The following RIF1 variants were observed in gnomAD, a reference collection of about 807,000 sequenced individuals.
RIF1 encodes replication timing regulatory factor 1, also known as telomere-associated protein RIF1.
A neutral mutation model predicts 247.1 loss-of-function variants in RIF1; 45 were observed. The observed-to-expected ratio is 0.18, with a 90% CI of 0.14 to 0.23. RIF1 has a LOEUF of 0.23. Among genes scored for constraint, RIF1 ranks in the 10% least tolerant of loss-of-function variants. The pLI, the probability that RIF1 is intolerant of heterozygous loss-of-function variation, is 1.00. For synonymous variants in RIF1, 1,087 were observed against 978.8 expected (o/e 1.11, Z -2.06); for missense variants, 2,967 against 2,862.5 (o/e 1.04, Z -0.83).
At chr2:151,473,914 T>G in intron 34 of RIF1, 50 bp from the exon 35 acceptor site, 1 of 916,822 alleles carries the variant, frequency 1.1e-6, no homozygotes, top group Non-Finnish European at 1.8e-6. Flanking sequence ...AAAGTTTCAA[T>G]TTGTTGTTGT....
rs1368917903 is a variant in RIF1 at position 151,475,082 on chromosome 2, G to T, written c.*11G>T. On this transcript the variant is annotated 3_prime_UTR_variant, in exon 36 of 36. Coordinates refer to ENST00000444746, the MANE Select transcript of RIF1 (RefSeq NM_018151.5). ...GAAAATTCTATTTAGTATTTTCAGA[G>T]AAAATTGAAGGTTTTTTTAAACATC... 1 of 1,570,968 alleles carries T rather than the reference G, an allele frequency of 6.4e-7. No individual in the cohort carries two copies. Among genetic ancestry groups the T allele is most frequent in the Non-Finnish European group, 8.8e-7 (1 of 1,142,268 alleles).
the RIF1 span, chr2:151,518,932 C>T: frequency 4.0e-6 from 6 of 1,483,030 alleles, no homozygotes; most frequent in South Asian, 6.8e-5. Flanking sequence ...ATGGGTAAAA[C>T]AAGCTGTTTC....
intron 11 of RIF1, among the ~76,000 whole-genome samples, chr2:151,502,284 T>G (rs530095681): frequency 6.6e-6 from 1 of 152,042 alleles, no homozygotes; most frequent in African/African-American, 2.4e-5. Context: ...ACTGCTTGGG[T>G]GATGGGTGCA....
In RIF1 at chr2:151,506,926, G is replaced by A. The variant is rs2069534941; in HGVS notation, c.*1027+551G>A. 1.2e-6 allele frequency: 2 copies of A among 1,605,700 alleles called. No homozygotes were observed. Among genetic ancestry groups the A allele is most frequent in the Non-Finnish European group, 1.7e-6 (2 of 1,173,768 alleles). On this transcript the variant is annotated intron_variant and NMD_transcript_variant, in intron 13 of 13. Coordinates refer to the RIF1 transcript ENST00000454583. ...AAATATACCGAGCTGAAATTCTTCT[G>A]ATTTTCTTTTACACGCAGTATTTCT...
chr2:151,524,409 A>G, the RIF1 span: 1 of 1,613,838 alleles, frequency 6.2e-7, no homozygotes, highest in Non-Finnish European at 8.5e-7. Context: ...TTGGCTCTGT[A>G]CTCCACCTGA....
At chr2:151,442,620 T>G (rs1485755173) in intron 16 of RIF1, among the ~76,000 whole-genome samples, 1 of 152,118 alleles carries the variant, frequency 6.6e-6, no homozygotes, top group Non-Finnish European at 1.5e-5. Context: ...TATTGGAAGC[T>G]AATGTAAAAT....
At chr2:151,438,569 A>C in intron 13 of RIF1, 115 bp from the exon 14 acceptor site, 1 of 706,060 alleles carries the variant, frequency 1.4e-6, no homozygotes, top group Non-Finnish European at 2.6e-6. Flanking sequence ...GGAAAATTAA[A>C]TTAAGTATTG....
rs1388890179 is a variant in RIF1 at position 151,498,384 on chromosome 2, A to G, written c.*514-961A>G. On this transcript the variant is annotated intron_variant and NMD_transcript_variant, in intron 10 of 13. Coordinates refer to the RIF1 transcript ENST00000454583. The stretch of plus-strand genomic sequence containing the variant: ...GATGAGAAAGCATCCAGAACAAAAA[A>G]AGCAATCAATCAGTCATTTTCCCCC... The G allele has an allele frequency of 4.1e-6, 6 of 1,469,290 alleles. No individual in the cohort carries two copies. The East Asian group carries it at 1.2e-4, about 30-fold the overall frequency. 91.0% of individuals were successfully genotyped at this position (1,469,290 alleles called of 1,614,324 possible).
At chr2:151,486,341 C>T (rs540494419), downstream of RIF1, 112 of 164,230 alleles carry the variant, frequency 6.8e-4, no homozygotes, top group Non-Finnish European at 1.3e-3. Flanking sequence ...ATAAAAAAGA[C>T]AGACAATAAC....
chr2:151,508,191 C>T (rs1028919660), downstream of RIF1: 19 of 865,826 alleles, frequency 2.2e-5, no homozygotes, highest in African/African-American at 3.4e-5. Context: ...CTATTTTAGC[C>T]CTTCCAGGCT....
intron 3 of RIF1, among the ~76,000 whole-genome samples, chr2:151,413,115 C>T (rs1056731605): frequency 6.6e-6 from 1 of 151,724 alleles, no homozygotes; most frequent in Non-Finnish European, 1.5e-5. Flanking sequence ...GCTTGAACAC[C>T]TCCTGGGTTC....
Position 151,468,751 on chromosome 2 carries a change from C to G in RIF1, c.6936C>G (p.Asn2312Lys). ...VDIILPQITS[N>K]MWARGLGQLI... ...TCATTTTACCTCAGATTACATCAAA[C>G]ATGTGGTAAGTGGTTATTTAGGCTT... The change falls in exon 33 of 36, where the codon AAC becomes AAG. Residue 2312 changes from asparagine (N) to lysine (K), a missense_variant. Asn to Lys is a moderately conservative substitution (Grantham distance 94). Coordinates refer to ENST00000444746, the MANE Select transcript of RIF1 (RefSeq NM_018151.5). 8 of 1,606,060 alleles carry G rather than the reference C, an allele frequency of 5.0e-6. No individual in the cohort carries two copies. Among genetic ancestry groups the G allele is most frequent in the Non-Finnish European group, 6.8e-6 (8 of 1,172,706 alleles).
In RIF1 at chr2:151,456,558, T is replaced by C; in HGVS notation, c.2610-20T>C. On this transcript the variant is annotated intron_variant, in intron 22 of 35. Transcript: ENST00000444746. Reference sequence around the variant, plus strand: ...TTAACTTGCAGAAATATAAATGGTATTCTATTTTATCCTTCCTAGGCTTGA... The same window carrying C: ...TTAACTTGCAGAAATATAAATGGTACTCTATTTTATCCTTCCTAGGCTTGA... The C allele has an allele frequency of 7.2e-7, 1 of 1,393,102 alleles. No individual in the cohort carries two copies. The highest frequency in any genetic ancestry group is 1.8e-4 in the Middle Eastern group (1 of 5,610). The allele number at this position is 1,393,102 out of a possible 1,614,324, so 86.3% of individuals were successfully genotyped here.
chr2:151,497,802 A>G (rs532276976), intron 10 of RIF1: 163 of 1,539,002 alleles, frequency 1.1e-4, no homozygotes, highest in Non-Finnish European at 1.4e-4. Flanking sequence ...GAAAAAACAC[A>G]GTCATCCAAG....
chr2:151,433,747 G>A lies in RIF1; in HGVS notation c.1077+519G>A, dbSNP rs188946374. On this transcript the variant is annotated intron_variant, in intron 10 of 35. Transcript: ENST00000444746. ...TGGGATTACAGGCATGAGCCACCGC[G>A]CCTGGCCCTGAAATGTTTTTAAATT... is the stretch of plus-strand genomic sequence containing the variant. Among the ~76,000 whole-genome samples the A allele has an allele frequency of 5.5e-4, 83 of 152,038 alleles. 1 individual carries two copies. The highest frequency in any genetic ancestry group is 1.7e-3 in the African/African-American group (72 of 41,490).
intron 15 of RIF1, among the ~76,000 whole-genome samples, chr2:151,440,563 T>C (rs937420138): frequency 2.0e-5 from 3 of 152,024 alleles, no homozygotes; most frequent in Non-Finnish European, 4.4e-5. Context: ...GGAAGAAAAG[T>C]GAATTGGATA....
chr2:151,418,172 TAAAA>T, intron 6 of RIF1, among the ~76,000 whole-genome samples: 1 of 152,200 alleles, frequency 6.6e-6, no homozygotes, highest in African/African-American at 2.4e-5. Flanking sequence ...ACTAAATCTA[TAAAA>T]ACATTTTTAA....
chr2:151,415,941 A>G (rs1479710969), intron 4 of RIF1, among the ~76,000 whole-genome samples: 16 of 152,242 alleles, frequency 1.1e-4, no homozygotes, highest in Admixed American at 1.0e-3. Flanking sequence ...TTATTCAGGC[A>G]TATGCACTAA....
intron 35 of RIF1, among the ~76,000 whole-genome samples, chr2:151,474,447 G>C (rs544683310): frequency 6.6e-6 from 1 of 152,342 alleles, no homozygotes; most frequent in East Asian, 1.9e-4. Context: ...GGGAGGCCAA[G>C]GTGGGTGGAT....
Sources: allele counts gnomAD v4.1 joint callset (sites outside exome capture counted in the v4.1 genomes callset), GRCh38; gene constraint gnomAD v4.1.1; transcripts MANE v1.5; gene names NCBI Gene and HGNC (gene_info 2026-07-23, HGNC 2026-07-21).